PRPF38A: variants seen among roughly 807,000 people sequenced by gnomAD.
The protein encoded by PRPF38A is pre-mRNA processing factor 38A, also known as pre-mRNA-splicing factor 38A.
Under a neutral mutation model 46.8 loss-of-function variants are expected in PRPF38A, and 11 were observed. The observed-to-expected ratio is 0.24, with a 90% confidence interval of 0.15 to 0.39. The LOEUF (loss-of-function observed/expected upper bound fraction) is 0.39, where lower values mean the gene tolerates loss of function less well. Among genes scored for constraint, PRPF38A ranks in the 10% least tolerant of loss-of-function variants. The pLI is 1.00. For synonymous variants in PRPF38A, 124 were observed against 136.2 expected (o/e 0.91, Z 0.62); for missense variants, 261 against 407.5 (o/e 0.64, Z 3.10).
At chr1:52,404,989 ATG>A in intron 1 of PRPF38A, 110 bp downstream of exon 1, 4 of 1,337,434 alleles carry the variant, frequency 3.0e-6, no homozygotes, top group Non-Finnish European at 4.1e-6. Context: ...GGAACGGAGT[ATG>A]TCGATCATTC....
In PRPF38A at chr1:52,418,457, A is replaced by G. The variant is rs532467058; in HGVS notation, c.*1767A>G. On this transcript the variant is annotated 3_prime_UTR_variant, in exon 10 of 10. Transcript: ENST00000257181. ...TCTTAAAATAAAACTTTGTCTTAAAATATGTTTTAAAGTAAAAATAAACCC... is the reference window on the plus strand; with the variant it reads ...TCTTAAAATAAAACTTTGTCTTAAAGTATGTTTTAAAGTAAAAATAAACCC... 5 of 152,372 alleles carry G rather than the reference A, an allele frequency of 3.3e-5. No individual in the cohort carries two copies. The highest frequency in any genetic ancestry group is 1.2e-4 in the African/African-American group (5 of 41,586). 9.4% of individuals were successfully genotyped at this position (152,372 alleles called of 1,614,324 possible). A position where few individuals can be genotyped will look rare whatever the true frequency, so the allele number is the denominator to read the frequency against.
chr1:52,414,910 A>G, intron 8 of PRPF38A, 51 bp downstream of exon 8: 1 of 1,565,718 alleles, frequency 6.4e-7, no homozygotes, highest in Non-Finnish European at 8.8e-7. Context: ...AGAAATGTAA[A>G]AGGAGTAGTT....
Position 52,411,165 on chromosome 1 carries a change from G to A in PRPF38A, c.463G>A (p.Glu155Lys). 3 of 1,613,798 alleles carry A rather than the reference G, an allele frequency of 1.9e-6. No individual in the cohort carries two copies. The highest frequency in any genetic ancestry group is 2.5e-6 in the Non-Finnish European group (3 of 1,179,808). ...GTTTATTGATGAACTATTGCACAGT[G>A]AGAGAGTCTGTGATATCATTCTGCC... is the stretch of plus-strand genomic sequence containing the variant. ...DEFIDELLHSERVCDIILPRL... is the reference protein window; with the variant it reads ...DEFIDELLHSKRVCDIILPRL... Residue 155 changes from glutamate to lysine, a missense_variant, in exon 4 of 10, where the codon GAG becomes AAG. This residue lies in a region of PRPF38A where 180 missense variants were observed against 221.0 expected (regional missense o/e 0.81). Coordinates refer to ENST00000257181, the MANE Select transcript of PRPF38A (RefSeq NM_032864.4).
At position 52,416,470 on chromosome 1, in the gene PRPF38A, G is replaced by A. The variant is rs140606722; in HGVS notation, c.897-178G>A. 8.4e-3 allele frequency among the ~76,000 whole-genome samples: 1,279 copies of A among 152,008 alleles called. 18 individuals are homozygous for A. The highest frequency in any genetic ancestry group is 0.029 in the African/African-American group (1,221 of 41,494). On this transcript the variant is annotated intron_variant, in intron 9 of 9. Transcript: ENST00000257181. The stretch of plus-strand genomic sequence containing the variant: ...ATTACAGGTGCCCGCCGCCATGCTC[G>A]GCTAATTTTTGTACTTTTAGTAGAG...
chr1:52,410,445 T>TTA lies in PRPF38A; in HGVS notation c.413-659_413-658dup, dbSNP rs756595833. Among the ~76,000 whole-genome samples the TTA allele has an allele frequency of 1.7e-3, 252 of 150,256 alleles. 5 individuals are homozygous for TTA. The highest frequency in any genetic ancestry group is 4.7e-3 in the East Asian group (24 of 5,146). Reference sequence around the variant, plus strand: ...ATGTAAAGTGAGGTTAATGATACTTTTATATATATATAGATGTATATATAT... The same window carrying TTA: ...ATGTAAAGTGAGGTTAATGATACTTTTATATATATATATAGATGTATATATAT... On this transcript the variant is annotated intron_variant, in intron 3 of 9. Coordinates refer to ENST00000257181, the MANE Select transcript of PRPF38A (RefSeq NM_032864.4).
chr1:52,408,504 C>T (rs770092800), intron 2 of PRPF38A, 65 bp from the exon 3 acceptor site: 5 of 1,606,048 alleles, frequency 3.1e-6, no homozygotes, highest in African/African-American at 1.3e-5. Flanking sequence ...GTCATGAGAA[C>T]AGCTAGTTGT....
rs58201258 is a variant in PRPF38A, at chr1:52,419,356, C to CA, written c.*2682dup. 7,098 of 92,168 alleles carry CA rather than the reference C, an allele frequency of 0.077. 442 individuals carry two copies. The highest frequency in any genetic ancestry group is 0.2 in the African/African-American group (5,523 of 27,936). The allele number at this position is 92,168 out of a possible 1,614,324, so 5.7% of individuals were successfully genotyped here. ...GGGCAAAAAGAGCGAAACTCCATCT[C>CA]AAAAAAAAAAAAAAAAGAAGAAGAA... is the stretch of plus-strand genomic sequence containing the variant. On this transcript the variant is annotated 3_prime_UTR_variant, in exon 10 of 10. Transcript: ENST00000257181.
At chr1:52,414,046 A>C in intron 6 of PRPF38A, 55 bp downstream of exon 6, 2 of 1,224,196 alleles carry the variant, frequency 1.6e-6, no homozygotes. Context: ...GTAGCCTAGA[A>C]GTTTGGATTT....
chr1:52,416,736 G>T lies in PRPF38A; in HGVS notation c.*46G>T. 7.3e-7 allele frequency: 1 copy of T among 1,372,356 alleles called. No homozygotes were observed. The highest frequency in any genetic ancestry group is 1.2e-5 in the South Asian group (1 of 86,018). 85.0% of individuals were successfully genotyped at this position (1,372,356 alleles called of 1,614,324 possible). ...TCCACATGGCCTCCTGTGGATATAAGGATATCTGTATGTGGAAGGATTAAG... is the reference window on the plus strand; with the variant it reads ...TCCACATGGCCTCCTGTGGATATAATGATATCTGTATGTGGAAGGATTAAG... On this transcript the variant is annotated 3_prime_UTR_variant, in exon 10 of 10. Transcript: ENST00000257181.
At chr1:52,411,001 C>T in intron 3 of PRPF38A, 114 bp from the exon 4 acceptor site, 1 of 692,618 alleles carries the variant, frequency 1.4e-6, no homozygotes, top group Non-Finnish European at 2.5e-6. Context: ...TTAATCTCTT[C>T]TAAAGAGGCC....
intron 2 of PRPF38A, among the ~76,000 whole-genome samples, chr1:52,406,051 C>T (rs1458725249): frequency 2.0e-5 from 3 of 152,012 alleles, no homozygotes; most frequent in Non-Finnish European, 2.9e-5. Context: ...TGCAGTGGTG[C>T]GATCTCGGCC....
In PRPF38A at chr1:52,420,356, A is replaced by ATGAT. The variant is rs1217730382; in HGVS notation, c.*3668_*3671dup. The ATGAT allele has an allele frequency of 6.6e-6, 1 of 152,240 alleles. No homozygotes were observed. The allele number at this position is 152,240 out of a possible 1,614,324, so 9.4% of individuals were successfully genotyped here. A position where few individuals can be genotyped will look rare whatever the true frequency, so the allele number is the denominator to read the frequency against. ...TCAGAAACTTTAAAAATAATGGGCA[A>ATGAT]TGATTATAAAGTCAAATATTATGAA... On this transcript the variant is annotated 3_prime_UTR_variant, in exon 10 of 10. Transcript: ENST00000257181.
intron 3 of PRPF38A, among the ~76,000 whole-genome samples, chr1:52,410,737 A>C (rs924260562): frequency 2.6e-5 from 4 of 152,132 alleles, no homozygotes; most frequent in Non-Finnish European, 5.9e-5. Flanking sequence ...CCTAACCTCA[A>C]GTGATCTGCC....
chr1:52,407,793 C>T (rs768080709), intron 2 of PRPF38A, among the ~76,000 whole-genome samples: 10 of 152,212 alleles, frequency 6.6e-5, no homozygotes, highest in Non-Finnish European at 1.3e-4. Flanking sequence ...TGGTTGCTAA[C>T]ACCTGTAATC....
chr1:52,406,239 C>G (rs766890883), intron 2 of PRPF38A, among the ~76,000 whole-genome samples: 23 of 152,034 alleles, frequency 1.5e-4, no homozygotes, highest in East Asian at 3.9e-4. Flanking sequence ...TCCCCTCCCC[C>G]CCCGGGCCTC....
At chr1:52,408,383 G>T (rs529036685) in intron 2 of PRPF38A, 186 bp from the exon 3 acceptor site, 1 of 736,076 alleles carries the variant, frequency 1.4e-6, no homozygotes, top group East Asian at 2.7e-5. Context: ...TGGTAGCATG[G>T]GAACTTGAAC....
At chr1:52,408,764 A>G in intron 3 of PRPF38A, 74 bp downstream of exon 3, 2 of 1,541,846 alleles carry the variant, frequency 1.3e-6, no homozygotes, top group East Asian at 4.5e-5. Context: ...CTACCTTTGC[A>G]TTGTCATAGA....
At chr1:52,410,055 A>C (rs1648103521) in intron 3 of PRPF38A, among the ~76,000 whole-genome samples, 1 of 139,742 alleles carries the variant, frequency 7.2e-6, no homozygotes, top group Non-Finnish European at 1.5e-5. Flanking sequence ...GTGTATATAC[A>C]CACACATATA....
chr1:52,414,748 A>G lies in PRPF38A; in HGVS notation c.750-14A>G. The G allele has an allele frequency of 6.2e-7, 1 of 1,614,140 alleles. No homozygotes were observed. Among genetic ancestry groups the G allele is most frequent in the Non-Finnish European group, 8.5e-7 (1 of 1,179,976 alleles). On this transcript the variant is annotated splice_polypyrimidine_tract_variant and intron_variant, in intron 7 of 9. Coordinates refer to ENST00000257181, the MANE Select transcript of PRPF38A (RefSeq NM_032864.4). ...GCTAACCAGATCTGGTAGTCTGACCAGTCTTTTCTACAGCCCCTCCCCTCG... is the reference window on the plus strand; with the variant it reads ...GCTAACCAGATCTGGTAGTCTGACCGGTCTTTTCTACAGCCCCTCCCCTCG...
Sources: gnomAD v4.1 joint callset for allele counts (sites outside exome capture counted in the v4.1 genomes callset) on GRCh38, gnomAD v4.1.1 for gene constraint, gnomAD v4.1.1 regional missense constraint, MANE v1.5 for transcripts, NCBI Gene and HGNC (gene_info 2026-07-23, HGNC 2026-07-21) for gene names.